Variants in USP7 observed in about 807,000 individuals in gnomAD.
USP7 encodes ubiquitin specific peptidase 7.
Under a neutral mutation model 162.9 loss-of-function variants are expected in USP7, and 9 were observed. The observed-to-expected ratio is 0.06, with a 90% confidence interval of 0.03 to 0.10. The LOEUF (loss-of-function observed/expected upper bound fraction) is 0.10, where lower values mean the gene tolerates loss of function less well. Among genes scored for constraint, USP7 ranks in the 10% least tolerant of loss-of-function variants. USP7 has a pLI of 1.00. For synonymous variants in USP7, 562 were observed against 475.9 expected (o/e 1.18, Z -2.35); for missense variants, 715 against 1,373.7 (o/e 0.52, Z 7.58).
At chr16:8,919,822 G>A (rs1478772307) in intron 5 of USP7, among the ~76,000 whole-genome samples, 3 of 152,018 alleles carry the variant, frequency 2.0e-5, no homozygotes, top group Non-Finnish European at 1.5e-5. Context: ...ACCAGTGCTG[G>A]GGGAGACACC....
At position 8,902,070 on chromosome 16, in the gene USP7, G is replaced by C. The variant is rs2304466; in HGVS notation, c.2047+12C>G. The stretch of plus-strand genomic sequence containing the variant: ...TGCTCTAAGTGCAGGCAGGCGTCTC[G>C]TGGGCACTTACGATCTTTATCAAAC... On this transcript the variant is annotated intron_variant, in intron 18 of 30. Coordinates refer to ENST00000344836, the MANE Select transcript of USP7 (RefSeq NM_003470.3). The C allele has an allele frequency of 3.7e-6, 6 of 1,611,798 alleles. No homozygotes were observed. In the African/African-American group the frequency reaches 4.0e-5, roughly 11 times the overall value.
intron 1 of USP7, among the ~76,000 whole-genome samples, chr16:8,954,756 C>G (rs2141264971): frequency 6.6e-6 from 1 of 152,210 alleles, no homozygotes; most frequent in East Asian, 1.9e-4. Context: ...GTGGGTGGAT[C>G]AGGAGATCGA....
Position 8,895,169 on chromosome 16 carries a change from GAC to G in USP7, c.2920-21_2920-20del, listed in dbSNP as rs1406803010. On this transcript the variant is annotated intron_variant, in intron 27 of 30. Coordinates refer to ENST00000344836, the MANE Select transcript of USP7 (RefSeq NM_003470.3). ...GGATTTCCTGGGGACACGGACAACA[GAC>G]ACAGTTCTGTAAGTGCAAGTGATGT... The G allele has an allele frequency of 6.2e-7, 1 of 1,614,040 alleles. No homozygotes were observed. The highest frequency in any genetic ancestry group is 1.3e-5 in the African/African-American group (1 of 74,914).
chr16:8,946,591 G>A (rs1243125896), intron 1 of USP7, among the ~76,000 whole-genome samples: 1 of 152,102 alleles, frequency 6.6e-6, no homozygotes, highest in Non-Finnish European at 1.5e-5. Flanking sequence ...CTCAACAGCT[G>A]GACAAAACTC....
intron 5 of USP7, 143 bp from the exon 6 acceptor site, chr16:8,919,282 G>A (rs958654276): frequency 5.3e-6 from 4 of 757,160 alleles, no homozygotes; most frequent in South Asian, 1.6e-5. Context: ...AATGGTCACC[G>A]ATTCCCTTCT....
chr16:8,921,330 T>G, intron 3 of USP7, 35 bp from the exon 4 acceptor site: 1 of 1,601,978 alleles, frequency 6.2e-7, no homozygotes, highest in Non-Finnish European at 8.5e-7. Context: ...TTAGTTGACA[T>G]TATTTACCAG....
chr16:8,922,092 G>A (rs2141213098), intron 3 of USP7, among the ~76,000 whole-genome samples: 1 of 152,314 alleles, frequency 6.6e-6, no homozygotes, highest in South Asian at 2.1e-4. Flanking sequence ...AACAAACCTA[G>A]CCCAAATACT....
intron 1 of USP7, chr16:8,935,864 T>G (rs916467304): frequency 6.6e-6 from 1 of 152,142 alleles, no homozygotes; most frequent in Non-Finnish European, 1.5e-5. Context: ...ATTTGTGATG[T>G]CATAACACAG....
At chr16:8,920,155 TG>T (rs976567227) in intron 5 of USP7, among the ~76,000 whole-genome samples, 3 of 152,220 alleles carry the variant, frequency 2.0e-5, no homozygotes, top group African/African-American at 7.2e-5. Flanking sequence ...TATACAATTA[TG>T]TTCCAAGGGT....
In USP7 at chr16:8,920,433, A is replaced by C; in HGVS notation, c.537T>G (p.Pro179=). The C allele has an allele frequency of 1.9e-6, 3 of 1,612,824 alleles. No homozygotes were observed. The highest frequency in any genetic ancestry group is 1.3e-5 in the African/African-American group (1 of 74,992). The change falls in exon 5 of 31, where the codon CCT becomes CCG. Residue 179 remains proline, a synonymous_variant. Transcript: ENST00000344836. Reference sequence around the variant, plus strand: ...TGTCATCATCTATAAATCCTTTCTCAGGATCGGTCACTTCCTATAAAACAT... The same window carrying C: ...TGTCATCATCTATAAATCCTTTCTCCGGATCGGTCACTTCCTATAAAACAT... ...NFMAWSEVTD[P]EKGFIDDDKV...
At chr16:8,929,822 G>C (rs1898217561) in intron 2 of USP7, among the ~76,000 whole-genome samples, 1 of 152,196 alleles carries the variant, frequency 6.6e-6, no homozygotes, top group African/African-American at 2.4e-5. Context: ...CTCAGTGAGG[G>C]AGAATGAAGG....
intron 1 of USP7, among the ~76,000 whole-genome samples, chr16:8,961,816 G>C (rs1227820763): frequency 6.6e-6 from 1 of 152,116 alleles, no homozygotes; most frequent in South Asian, 2.1e-4. Context: ...TCAGCTATTT[G>C]GTTTAATCAC....
At chr16:8,905,861 A>C (rs1409280387) in intron 13 of USP7, among the ~76,000 whole-genome samples, 1 of 152,214 alleles carries the variant, frequency 6.6e-6, no homozygotes, top group Non-Finnish European at 1.5e-5. Context: ...TTAAACAGTG[A>C]TGAACGCTGC....
intron 14 of USP7, 98 bp downstream of exon 14, chr16:8,905,089 A>G: frequency 3.4e-6 from 5 of 1,467,210 alleles, no homozygotes; most frequent in Non-Finnish European, 4.7e-6. Context: ...TGGAATAAGC[A>G]TAAAATGTGT....
chr16:8,898,336 A>AT, intron 25 of USP7, 24 bp downstream of exon 25: 2 of 1,550,068 alleles, frequency 1.3e-6, no homozygotes, highest in Non-Finnish European at 1.8e-6. Context: ...AAAAATTAAA[A>AT]TTCATAGTAT....
chr16:8,907,685 T>C (rs1437475897), intron 12 of USP7, among the ~76,000 whole-genome samples: 1 of 151,896 alleles, frequency 6.6e-6, no homozygotes, highest in Non-Finnish European at 1.5e-5. Context: ...CTACTAAAAA[T>C]ACAAAAATTA....
intron 1 of USP7, among the ~76,000 whole-genome samples, chr16:8,959,577 T>C (rs1007234722): frequency 3.9e-5 from 6 of 152,212 alleles, no homozygotes; most frequent in African/African-American, 1.4e-4. Context: ...CTGATGTTCA[T>C]CTTGTAACTT....
At chr16:8,928,618 C>T (rs924277171) in intron 2 of USP7, among the ~76,000 whole-genome samples, 1 of 152,170 alleles carries the variant, frequency 6.6e-6, no homozygotes, top group African/African-American at 2.4e-5. Flanking sequence ...ACCTCCCTCC[C>T]ACGCACTTTG....
intron 26 of USP7, 92 bp from the exon 27 acceptor site, chr16:8,895,833 C>G: frequency 1.2e-6 from 1 of 861,462 alleles, no homozygotes; most frequent in Non-Finnish European, 1.7e-6. Flanking sequence ...AAAGTTACCA[C>G]GATATGTTTT....
Sources: allele counts gnomAD v4.1 joint callset (sites outside exome capture counted in the v4.1 genomes callset), GRCh38; gene constraint gnomAD v4.1.1; transcripts MANE v1.5; gene names NCBI Gene and HGNC (gene_info 2026-07-23, HGNC 2026-07-21).